The following CCSER1 variants were observed in gnomAD, a reference collection of about 807,000 sequenced individuals.
The protein encoded by CCSER1 is serine-rich coiled-coil domain-containing protein 1.
In CCSER1, 41 loss-of-function variants were observed where a neutral mutation model predicts 82.0. The ratio of observed to expected loss-of-function variants is 0.50; its 90% CI spans 0.39 to 0.65. CCSER1 has a LOEUF of 0.65. Ranked by LOEUF, CCSER1 falls within the 30% of genes least tolerant of loss-of-function variation. CCSER1 has a pLI of 0.00. For synonymous variants in CCSER1, 414 were observed against 383.9 expected, an observed-to-expected ratio of 1.08 and a Z score of -0.92; for missense variants, 1,119 against 1,064.2, an observed-to-expected ratio of 1.05 and a Z score of -0.72.
chr4:91,514,035 T>G (rs981948588), intron 10 of CCSER1, among the ~76,000 whole-genome samples: 26 of 152,136 alleles, frequency 1.7e-4, no homozygotes, highest in Non-Finnish European at 1.0e-4. Flanking sequence ...CCATTTCCTC[T>G]ATACGTGTTG....
chr4:90,155,224 T>A (rs1727836243), intron 1 of CCSER1, among the ~76,000 whole-genome samples: 1 of 152,216 alleles, frequency 6.6e-6, no homozygotes, highest in Non-Finnish European at 1.5e-5. Context: ...ATCCCAGGGA[T>A]GAACCCACTT....
chr4:90,575,505 C>T (rs1780633953), intron 5 of CCSER1, among the ~76,000 whole-genome samples: 1 of 152,158 alleles, frequency 6.6e-6, no homozygotes, highest in Non-Finnish European at 1.5e-5. Context: ...GATTAAATTT[C>T]CAACACAGGA....
At chr4:91,275,228 A>G (rs1238845573) in intron 10 of CCSER1, among the ~76,000 whole-genome samples, 1 of 152,068 alleles carries the variant, frequency 6.6e-6, no homozygotes, top group Non-Finnish European at 1.5e-5. Context: ...TCCATAGTGC[A>G]TGTATTAATT....
intron 10 of CCSER1, among the ~76,000 whole-genome samples, chr4:91,316,927 G>A (rs892872035): frequency 6.6e-6 from 1 of 151,910 alleles, no homozygotes; most frequent in Non-Finnish European, 1.5e-5. Context: ...GTCACTCAAA[G>A]GGTAACATGT....
intron 7 of CCSER1, among the ~76,000 whole-genome samples, chr4:90,807,350 A>C (rs1456272332): frequency 3.3e-5 from 5 of 152,196 alleles, no homozygotes; most frequent in African/African-American, 1.2e-4. Context: ...CATAATACCC[A>C]AGATTTGGGG....
At chr4:91,149,891 A>G (rs932931224) in intron 10 of CCSER1, among the ~76,000 whole-genome samples, 9 of 152,060 alleles carry the variant, frequency 5.9e-5, no homozygotes, top group Non-Finnish European at 1.0e-4. Flanking sequence ...GCCTTGTAGT[A>G]TAGTTTGAAG....
chr4:91,581,697 A>G (rs1763734135), intron 10 of CCSER1, among the ~76,000 whole-genome samples: 2 of 151,622 alleles, frequency 1.3e-5, no homozygotes, highest in African/African-American at 2.4e-5. Context: ...GAGTAAATTC[A>G]AAAATAAGTA....
intron 6 of CCSER1, among the ~76,000 whole-genome samples, chr4:90,709,479 A>G (rs948334270): frequency 7.2e-5 from 11 of 151,930 alleles, no homozygotes; most frequent in African/African-American, 2.7e-4. Context: ...GTTTTCCCCT[A>G]TATGTCCATG....
At chr4:90,706,582 C>T (rs2149305043) in intron 6 of CCSER1, among the ~76,000 whole-genome samples, 1 of 152,258 alleles carries the variant, frequency 6.6e-6, no homozygotes, top group African/African-American at 2.4e-5. Context: ...GCTGTTAGGG[C>T]TAGAGAGATT....
At chr4:90,335,132 T>G (rs1740143084) in intron 3 of CCSER1, among the ~76,000 whole-genome samples, 1 of 152,192 alleles carries the variant, frequency 6.6e-6, no homozygotes, top group African/African-American at 2.4e-5. Flanking sequence ...AAGGCATTAT[T>G]TTTTCTAAAA....
At chr4:90,600,356 CTT>C (rs1032775808) in intron 5 of CCSER1, among the ~76,000 whole-genome samples, 1 of 152,050 alleles carries the variant, frequency 6.6e-6, no homozygotes, top group African/African-American at 2.4e-5. Context: ...TACAGTCAGA[CTT>C]TTTAGTTTTA....
chr4:91,156,540 T>G (rs1292230123), intron 10 of CCSER1, among the ~76,000 whole-genome samples: 1 of 151,440 alleles, frequency 6.6e-6, no homozygotes, highest in African/African-American at 2.4e-5. Context: ...AATTAAATTA[T>G]TAAATTAAAA....
intron 10 of CCSER1, among the ~76,000 whole-genome samples, chr4:91,548,910 G>T (rs1489107641): frequency 6.6e-6 from 1 of 151,836 alleles, no homozygotes. Flanking sequence ...ACATTAATTG[G>T]GGAAAATTCT....
chr4:91,454,666 A>AT (rs1756056170), intron 10 of CCSER1, among the ~76,000 whole-genome samples: 1 of 151,878 alleles, frequency 6.6e-6, no homozygotes, highest in African/African-American at 2.4e-5. Context: ...ATCTTATTTA[A>AT]TTTTTTAAAA....
chr4:91,352,906 A>G (rs1344298195), intron 10 of CCSER1, among the ~76,000 whole-genome samples: 1 of 152,162 alleles, frequency 6.6e-6, no homozygotes, highest in Non-Finnish European at 1.5e-5. Flanking sequence ...CTATAAATGA[A>G]CATAGTAATA....
intron 3 of CCSER1, among the ~76,000 whole-genome samples, chr4:90,317,427 G>C (rs1002718307): frequency 2.0e-5 from 3 of 151,902 alleles, no homozygotes; most frequent in Non-Finnish European, 4.4e-5. Context: ...GCGTGGCCAA[G>C]ATGGTGAAAC....
chr4:91,425,888 A>C (rs1753939834), intron 10 of CCSER1, among the ~76,000 whole-genome samples: 1 of 152,164 alleles, frequency 6.6e-6, no homozygotes, highest in Non-Finnish European at 1.5e-5. Flanking sequence ...CAGGGTTCCT[A>C]CCACAATTTT....
intron 1 of CCSER1, among the ~76,000 whole-genome samples, chr4:90,142,610 TTTTA>T (rs1324329776): frequency 2.7e-5 from 4 of 147,618 alleles, no homozygotes; most frequent in Non-Finnish European, 5.9e-5. Context: ...AGGGATATCG[TTTTA>T]TTTATTTACC....
In CCSER1 at chr4:91,416,829, G is replaced by T. The variant is rs544903909; in HGVS notation, c.2218-181743G>T. Among the ~76,000 whole-genome samples, 8 of 152,262 alleles carry T rather than the reference G, an allele frequency of 5.3e-5. No homozygotes were observed. The South Asian group carries it at 1.7e-3, about 32-fold the overall frequency. On this transcript the variant is annotated intron_variant, in intron 10 of 10. Transcript: ENST00000509176. Reference sequence around the variant, plus strand: ...CATGAGGAACATGTCAAAAGGAATTGCAACAAAAGCCAGAATTGACAAATA... The same window carrying T: ...CATGAGGAACATGTCAAAAGGAATTTCAACAAAAGCCAGAATTGACAAATA...
Sources: gnomAD v4.1 joint callset for allele counts (sites outside exome capture counted in the v4.1 genomes callset) on GRCh38, gnomAD v4.1.1 for gene constraint, MANE v1.5 for transcripts, NCBI Gene and HGNC (gene_info 2026-07-23, HGNC 2026-07-21) for gene names.